Variants in WWOX observed in about 807,000 individuals in gnomAD.
The protein encoded by WWOX is WW domain-containing oxidoreductase.
A neutral mutation model predicts 46.2 loss-of-function variants in WWOX; 69 were observed. The ratio of observed to expected loss-of-function variants is 1.49; its 90% CI spans 1.23 to 1.82. WWOX has a LOEUF of 1.82. WWOX is among the 40% of genes most tolerant of loss of function. The pLI is 0.00. For missense variants in WWOX, 919 were observed against 542.6 expected (o/e 1.69, Z -6.89); for synonymous variants, 359 against 202.6 (o/e 1.77, Z -6.56).
At chr16:78,898,420 C>A (rs1416058809) in intron 8 of WWOX, 1 of 152,086 alleles carries the variant, frequency 6.6e-6, no homozygotes, top group African/African-American at 2.4e-5. Context: ...TATTCAATTT[C>A]CTTGGCATCT....
At chr16:78,211,159 G>A (rs2036547709) in intron 5 of WWOX, among the ~76,000 whole-genome samples, 1 of 152,158 alleles carries the variant, frequency 6.6e-6, no homozygotes. Context: ...GTGCAGCTCA[G>A]TGGAAGAGAA....
intron 8 of WWOX, among the ~76,000 whole-genome samples, chr16:78,871,823 A>C (rs1053325219): frequency 1.8e-4 from 28 of 152,196 alleles, no homozygotes; most frequent in African/African-American, 6.7e-4. Flanking sequence ...GGCTGGTCTC[A>C]AACTCCTGGC....
chr16:78,544,556 C>G (rs1048664999), intron 8 of WWOX, among the ~76,000 whole-genome samples: 1 of 152,122 alleles, frequency 6.6e-6, no homozygotes, highest in African/African-American at 2.4e-5. Flanking sequence ...TTTTTTAACT[C>G]ATTGCAATGC....
chr16:79,085,679 A>C (rs2048841471), intron 8 of WWOX, among the ~76,000 whole-genome samples: 1 of 152,218 alleles, frequency 6.6e-6, no homozygotes, highest in Non-Finnish European at 1.5e-5. Flanking sequence ...AGTACCTAGA[A>C]AAATGCATAC....
At chr16:78,153,243 C>T (rs895416223) in intron 4 of WWOX, among the ~76,000 whole-genome samples, 2 of 152,104 alleles carry the variant, frequency 1.3e-5, no homozygotes, top group Admixed American at 1.3e-4. Context: ...AGCATATAGG[C>T]GTGGTGTACT....
At position 79,083,188 on chromosome 16, in the gene WWOX, C is replaced by T. The variant is rs576712388; in HGVS notation, c.1057-128420C>T. Among the ~76,000 whole-genome samples, 3 of 152,198 alleles carry T rather than the reference C, an allele frequency of 2.0e-5. No homozygotes were observed. In the East Asian group the frequency reaches 5.8e-4, roughly 29 times the overall value. ...ACACTGCGGTTCCCCTACTTGAGGG[C>T]GCAGGTAGGGGCACTTTGCTGCCTC... On this transcript the variant is annotated intron_variant, in intron 8 of 8. Transcript: ENST00000566780.
intron 8 of WWOX, among the ~76,000 whole-genome samples, chr16:79,166,047 T>G (rs2050588084): frequency 6.6e-6 from 1 of 152,220 alleles, no homozygotes; most frequent in Non-Finnish European, 1.5e-5. Context: ...TGATCTCCTT[T>G]AAAAAGGCTG....
intron 8 of WWOX, among the ~76,000 whole-genome samples, chr16:79,087,248 C>T (rs1255434387): frequency 6.6e-6 from 1 of 152,214 alleles, no homozygotes; most frequent in Non-Finnish European, 1.5e-5. Flanking sequence ...GCCTCTCTTC[C>T]CCAGCCAGGA....
intron 8 of WWOX, among the ~76,000 whole-genome samples, chr16:79,083,235 T>G (rs2048793399): frequency 6.6e-6 from 1 of 152,164 alleles, no homozygotes; most frequent in African/African-American, 2.4e-5. Flanking sequence ...AGCATTGCCA[T>G]TGCCATGTGA....
chr16:78,892,089 C>T (rs1455818557), intron 8 of WWOX: 1 of 152,112 alleles, frequency 6.6e-6, no homozygotes, highest in African/African-American at 2.4e-5. Context: ...TGAATGTCTT[C>T]TGTTTCTCGC....
chr16:78,475,978 A>G (rs1248172074), intron 8 of WWOX, among the ~76,000 whole-genome samples: 1 of 152,150 alleles, frequency 6.6e-6, no homozygotes, highest in African/African-American at 2.4e-5. Flanking sequence ...ATTTGGACCT[A>G]CCTAGGTTTT....
intron 8 of WWOX, among the ~76,000 whole-genome samples, chr16:78,738,953 A>G (rs1357699928): frequency 6.6e-6 from 1 of 152,176 alleles, no homozygotes; most frequent in Non-Finnish European, 1.5e-5. Context: ...GCAACTTCTC[A>G]TGCTGCCAAT....
At chr16:78,793,035 C>T (rs578242108) in intron 8 of WWOX, among the ~76,000 whole-genome samples, 1 of 152,230 alleles carries the variant, frequency 6.6e-6, no homozygotes, top group East Asian at 1.9e-4. Context: ...CCCCGCTGCC[C>T]CCTTTCTTTC....
At chr16:78,343,652 C>T (rs1213937120) in intron 5 of WWOX, among the ~76,000 whole-genome samples, 1 of 120,898 alleles carries the variant, frequency 8.3e-6, no homozygotes, top group South Asian at 2.5e-4. Context: ...TAGTATATTT[C>T]TGTAAATAGC....
intron 8 of WWOX, among the ~76,000 whole-genome samples, chr16:78,984,779 G>C (rs112469394): frequency 0.01 from 1,587 of 152,272 alleles, 37 homozygotes; most frequent in African/African-American, 0.036. Context: ...TTCCTCTGTG[G>C]TGTCTGTGGA....
intron 8 of WWOX, among the ~76,000 whole-genome samples, chr16:78,857,132 C>G (rs1041017049): frequency 1.3e-5 from 2 of 152,126 alleles, no homozygotes; most frequent in Non-Finnish European, 2.9e-5. Context: ...TGTGATAGTG[C>G]TTAAATAATT....
chr16:78,204,946 G>A (rs1287799669), intron 5 of WWOX, among the ~76,000 whole-genome samples: 1 of 152,166 alleles, frequency 6.6e-6, no homozygotes, highest in African/African-American at 2.4e-5. Flanking sequence ...TTGCCTTGTG[G>A]ATGTTGAAAA....
intron 8 of WWOX, among the ~76,000 whole-genome samples, chr16:78,858,802 C>T (rs961000002): frequency 4.0e-5 from 6 of 151,544 alleles, no homozygotes. Flanking sequence ...TCTCAGCCTC[C>T]TCAGTTGCTG....
chr16:78,876,999 G>A (rs546053313), intron 8 of WWOX, among the ~76,000 whole-genome samples: 1 of 152,174 alleles, frequency 6.6e-6, no homozygotes, highest in Admixed American at 6.5e-5. Flanking sequence ...AAGTTAACTG[G>A]TTCCTATTTC....
Sources: allele counts gnomAD v4.1 joint callset (sites outside exome capture counted in the v4.1 genomes callset), GRCh38; gene constraint gnomAD v4.1.1; transcripts MANE v1.5; gene names NCBI Gene and HGNC (gene_info 2026-07-23, HGNC 2026-07-21).